The following INTS14 variants were observed in gnomAD, a reference collection of about 807,000 sequenced individuals.
INTS14 encodes the protein integrator complex subunit 14.
In INTS14, 27 loss-of-function variants were observed where a neutral mutation model predicts 56.9. That is an observed-to-expected ratio of 0.47 (90% CI 0.35 to 0.65). The LOEUF is 0.65. INTS14 is among the 30% of genes least tolerant of loss of function. The probability of loss-of-function intolerance (pLI) is 0.00; values close to 1 mark genes in which losing one functional copy is unlikely to be tolerated. For synonymous variants in INTS14, 207 were observed against 236.2 expected (o/e 0.88, Z 1.13); for missense variants, 517 against 632.2 (o/e 0.82, Z 1.95).
chr15:65,583,824 G>T (rs2072719026), intron 10 of INTS14, among the ~76,000 whole-genome samples: 1 of 152,182 alleles, frequency 6.6e-6, no homozygotes, highest in Non-Finnish European at 1.5e-5. Context: ...GGAAGCACTG[G>T]GGTCAGGGAT....
intron 3 of INTS14, among the ~76,000 whole-genome samples, chr15:65,601,399 G>C (rs976158085): frequency 2.0e-5 from 3 of 152,044 alleles, no homozygotes; most frequent in Non-Finnish European, 4.4e-5. Flanking sequence ...CTGGAGTGCG[G>C]TGGCGTGATC....
chr15:65,585,879 A>C (rs1163197186), intron 9 of INTS14, among the ~76,000 whole-genome samples: 3 of 152,092 alleles, frequency 2.0e-5, no homozygotes, highest in African/African-American at 7.2e-5. Flanking sequence ...TCCTTTGTCA[A>C]CCCTCTTCAG....
rs771386913 is a variant in INTS14 at position 65,599,770 on chromosome 15, T to C, written c.486+4A>G. The C allele has an allele frequency of 1.9e-6, 3 of 1,613,264 alleles. No homozygotes were observed. The highest frequency in any genetic ancestry group is 1.7e-5 in the Admixed American group (1 of 59,772). On this transcript the variant is annotated splice_donor_region_variant and intron_variant, in intron 4 of 11. Transcript: ENST00000313182. ...CAAACTAAAAACTTAGCAAAAGGTATTACCTCCTCCAAATTCGCCATGCAC... is the reference window on the plus strand; with the variant it reads ...CAAACTAAAAACTTAGCAAAAGGTACTACCTCCTCCAAATTCGCCATGCAC...
rs751313406 is a variant in INTS14, at chr15:65,599,945, G to C, written c.331-16C>G. On this transcript the variant is annotated splice_polypyrimidine_tract_variant and intron_variant, in intron 3 of 11. Transcript: ENST00000313182. Reference sequence around the variant, plus strand: ...CCAGGACAACCTGTTTGTAAAAAGAGAGAGAGGAGGTTGTACATTAAATTA... The same window carrying C: ...CCAGGACAACCTGTTTGTAAAAAGACAGAGAGGAGGTTGTACATTAAATTA... The C allele has an allele frequency of 1.2e-6, 2 of 1,607,988 alleles. No homozygotes were observed. The highest frequency in any genetic ancestry group is 1.7e-6 in the Non-Finnish European group (2 of 1,177,200).
At chr15:65,589,808 C>T (rs1013647127) in intron 9 of INTS14, among the ~76,000 whole-genome samples, 1 of 152,124 alleles carries the variant, frequency 6.6e-6, no homozygotes. Context: ...CAATCTCCCT[C>T]ATTCTCACCA....
chr15:65,579,477 A>G lies in INTS14; in HGVS notation c.1488T>C (p.Tyr496=). The G allele has an allele frequency of 6.2e-7, 1 of 1,614,270 alleles. No homozygotes were observed. Among genetic ancestry groups the G allele is most frequent in the South Asian group, 1.1e-5 (1 of 91,088 alleles). The change falls in exon 12 of 12, where the codon TAT becomes TAC. Residue 496 remains tyrosine, a synonymous_variant. Transcript: ENST00000313182. ...LKLASTGTSE[Y]AAYDQNITPL... is the part of the protein sequence containing the mutation. ...GTGTGATGTTCTGGTCATAAGCGGC[A>G]TACTCAGAGGTGCCGGTACTGGCCA...
intron 1 of INTS14, among the ~76,000 whole-genome samples, chr15:65,609,801 G>C (rs565519400): frequency 6.6e-6 from 1 of 152,202 alleles, no homozygotes; most frequent in South Asian, 2.1e-4. Context: ...GAGAATGGGA[G>C]GAAACAGTTT....
At chr15:65,610,964 A>G (rs1462840125) in intron 1 of INTS14, 134 bp downstream of exon 1, 2 of 1,481,054 alleles carry the variant, frequency 1.4e-6, no homozygotes, top group Non-Finnish European at 1.8e-6. Flanking sequence ...CGCCTCACAG[A>G]CAGCGCGGGG....
chr15:65,580,695 C>T (rs898059089), intron 11 of INTS14, among the ~76,000 whole-genome samples: 2 of 152,208 alleles, frequency 1.3e-5, no homozygotes, highest in African/African-American at 4.8e-5. Context: ...CTGTGTGTGC[C>T]ACATTTTAGA....
At chr15:65,602,572 G>A (rs375224703) in intron 3 of INTS14, among the ~76,000 whole-genome samples, 9 of 151,954 alleles carry the variant, frequency 5.9e-5, no homozygotes, top group African/African-American at 2.2e-4. Context: ...GGCGTGAGCC[G>A]TCGCGCCTGG....
intron 3 of INTS14, among the ~76,000 whole-genome samples, chr15:65,604,542 A>G (rs552450673): frequency 6.6e-6 from 1 of 152,166 alleles, no homozygotes; most frequent in South Asian, 2.1e-4. Flanking sequence ...CAACCTGGGC[A>G]ATATGGCAAA....
chr15:65,580,999 G>T (rs2072585445), intron 11 of INTS14, among the ~76,000 whole-genome samples: 1 of 152,190 alleles, frequency 6.6e-6, no homozygotes. Context: ...GCTCACGCTT[G>T]TAATCCCAGC....
At chr15:65,585,129 T>C (rs1482201945) in intron 9 of INTS14, among the ~76,000 whole-genome samples, 1 of 152,168 alleles carries the variant, frequency 6.6e-6, no homozygotes, top group Non-Finnish European at 1.5e-5. Context: ...TTCACTTATC[T>C]GATTTATAAA....
At chr15:65,584,165 T>C (rs2072733414) in intron 10 of INTS14, among the ~76,000 whole-genome samples, 1 of 152,162 alleles carries the variant, frequency 6.6e-6, no homozygotes, top group Non-Finnish European at 1.5e-5. Flanking sequence ...TATTATCATA[T>C]GTTCCTGAAT....
At chr15:65,610,788 AT>A in intron 1 of INTS14, 1 of 1,535,590 alleles carries the variant, frequency 6.5e-7, no homozygotes, top group Non-Finnish European at 8.7e-7. Flanking sequence ...TGGGAGATGT[AT>A]TTTTACCTTA....
At chr15:65,586,472 T>C (rs1374396729) in intron 9 of INTS14, 1 of 152,184 alleles carries the variant, frequency 6.6e-6, no homozygotes, top group Non-Finnish European at 1.5e-5. Context: ...TTCCATGAAA[T>C]TGTTTCAAGT....
intron 6 of INTS14, among the ~76,000 whole-genome samples, 196 bp from the exon 7 acceptor site, chr15:65,596,021 G>T (rs7165102): frequency 0.56 from 85,785 of 152,060 alleles, 26,694 homozygotes; most frequent in African/African-American, 0.83. Context: ...AACTGTCATT[G>T]ATTTAATGAG....
chr15:65,611,063 AAAGGCAGTCCCGGG>A (rs2073922743), intron 1 of INTS14, 21 bp downstream of exon 1: 1 of 1,535,438 alleles, frequency 6.5e-7, no homozygotes, highest in African/African-American at 1.4e-5. Context: ...ACAAGCAGCG[AAAGGCAGTCCCGGG>A]CCCTCGGCCT....
intron 1 of INTS14, among the ~76,000 whole-genome samples, chr15:65,608,967 C>G (rs761111222): frequency 2.0e-5 from 3 of 152,144 alleles, no homozygotes; most frequent in Non-Finnish European, 2.9e-5. Flanking sequence ...GCGCGATCTC[C>G]GCTCACTGCA....
Sources: allele counts gnomAD v4.1 joint callset (sites outside exome capture counted in the v4.1 genomes callset), GRCh38; gene constraint gnomAD v4.1.1; transcripts MANE v1.5; gene names NCBI Gene and HGNC (gene_info 2026-07-23, HGNC 2026-07-21).